The following SGCG variants were observed in gnomAD, a reference collection of about 807,000 sequenced individuals.
SGCG encodes the protein sarcoglycan gamma.
A neutral mutation model predicts 29.3 loss-of-function variants in SGCG; 26 were observed. The observed-to-expected ratio is 0.89, with a 90% CI of 0.65 to 1.23. The LOEUF (loss-of-function observed/expected upper bound fraction) is 1.23. Among genes scored for constraint, SGCG ranks in the 50% most tolerant of loss-of-function variants. The probability of loss-of-function intolerance (pLI) is 0.00; values close to 1 mark genes in which losing one functional copy is unlikely to be tolerated. For synonymous variants in SGCG, 145 were observed against 129.7 expected (o/e 1.12, Z -0.80); for missense variants, 353 against 356.0 (o/e 0.99, Z 0.07).
intron 3 of SGCG, among the ~76,000 whole-genome samples, chr13:23,239,686 A>G (rs1321726559): frequency 6.6e-6 from 1 of 152,208 alleles, no homozygotes; most frequent in African/African-American, 2.4e-5. Flanking sequence ...CTAATGAAAC[A>G]AAGACCGTAA....
At chr13:23,193,600 G>A (rs1877368988) in intron 1 of SGCG, among the ~76,000 whole-genome samples, 2 of 152,294 alleles carry the variant, frequency 1.3e-5, no homozygotes, top group South Asian at 4.1e-4. Context: ...ACTGAGATGG[G>A]AATAGAGAAG....
intron 6 of SGCG, among the ~76,000 whole-genome samples, chr13:23,309,636 T>A (rs939599264): frequency 1.3e-5 from 2 of 152,224 alleles, no homozygotes; most frequent in African/African-American, 4.8e-5. Context: ...ATGTCTGCTA[T>A]AGGTTTTTGG....
intron 4 of SGCG, among the ~76,000 whole-genome samples, chr13:23,272,423 T>A (rs1880907245): frequency 6.6e-6 from 1 of 152,214 alleles, no homozygotes. Flanking sequence ...TGATTTATTT[T>A]TATTAGATTA....
At chr13:23,276,046 CA>C in intron 4 of SGCG, among the ~76,000 whole-genome samples, 1 of 152,080 alleles carries the variant, frequency 6.6e-6, no homozygotes, top group African/African-American at 2.4e-5. Flanking sequence ...CTCTTTGTAC[CA>C]AAGCCTTTCA....
Position 23,320,617 on chromosome 13 carries a change from G to GTTTTT in SGCG, c.579-20_579-19insTTTTT. ...TAATACTTTTTTTTTTTTTTTTTGT[G>GTTTTT]CTTCTTTTCCTCATCTCAGATTAGA... is the stretch of plus-strand genomic sequence containing the variant. On this transcript the variant is annotated intron_variant, in intron 6 of 7. Transcript: ENST00000218867. The GTTTTT allele has an allele frequency of 1.0e-4, 95 of 912,270 alleles. No homozygotes were observed. The highest frequency in any genetic ancestry group is 5.8e-4 in the South Asian group (28 of 48,662). The allele number at this position is 912,270 out of a possible 1,614,324, so 56.5% of individuals were successfully genotyped here.
chr13:23,201,715 C>CTA (rs1251731185), intron 1 of SGCG, among the ~76,000 whole-genome samples: 2 of 152,248 alleles, frequency 1.3e-5, no homozygotes, highest in East Asian at 3.9e-4. Flanking sequence ...CAATAGGAAA[C>CTA]TATATATATA....
intron 4 of SGCG, chr13:23,269,104 A>G (rs1880758340): frequency 2.0e-5 from 3 of 152,208 alleles, no homozygotes; most frequent in Non-Finnish European, 4.4e-5. Context: ...GAAAAAAAGC[A>G]ACTGGCACCA....
At position 23,279,415 on chromosome 13, in the gene SGCG, A is replaced by C; in HGVS notation, c.442A>C (p.Lys148Gln). The C allele has an allele frequency of 6.2e-7, 1 of 1,613,496 alleles. No homozygotes were observed. Among genetic ancestry groups the C allele is most frequent in the Non-Finnish European group, 8.5e-7 (1 of 1,179,496 alleles). Residue 148 changes from lysine (K) to glutamine (Q), a missense_variant, in exon 5 of 8, where the codon AAG (lysine) becomes CAG (glutamine). Coordinates refer to ENST00000218867, the MANE Select transcript of SGCG (RefSeq NM_000231.3). ...QQFQINSNDG[K>Q]PLFTVDEKEV... Reference sequence around the variant, plus strand: ...GTTTCAGATCAACTCCAACGACGGCAAGCCACTATTTACTGTAGATGAGAA... The same window carrying C: ...GTTTCAGATCAACTCCAACGACGGCCAGCCACTATTTACTGTAGATGAGAA...
At chr13:23,212,401 T>C (rs1384818077) in intron 2 of SGCG, among the ~76,000 whole-genome samples, 1 of 83,586 alleles carries the variant, frequency 1.2e-5, no homozygotes, top group Non-Finnish European at 2.7e-5. Flanking sequence ...AATTTTCTGG[T>C]TGTTAAATGT....
intron 3 of SGCG, among the ~76,000 whole-genome samples, chr13:23,241,075 G>A (rs1879487842): frequency 6.6e-6 from 1 of 150,706 alleles, no homozygotes; most frequent in African/African-American, 2.4e-5. Flanking sequence ...CATGAACCCA[G>A]GAGTCAGAAC....
At chr13:23,276,412 C>T (rs986991285) in intron 4 of SGCG, among the ~76,000 whole-genome samples, 2 of 135,432 alleles carry the variant, frequency 1.5e-5, no homozygotes, top group Admixed American at 7.4e-5. Context: ...GAAGCATGAA[C>T]GCTTTCTTTT....
At chr13:23,207,664 G>A (rs190205636) in intron 2 of SGCG, among the ~76,000 whole-genome samples, 226 of 152,216 alleles carry the variant, frequency 1.5e-3, no homozygotes, top group Non-Finnish European at 1.3e-3. Flanking sequence ...CATCAGAACA[G>A]ACATTTCTCC....
At chr13:23,201,018 T>C (rs1277108441) in intron 1 of SGCG, among the ~76,000 whole-genome samples, 4 of 151,952 alleles carry the variant, frequency 2.6e-5, no homozygotes, top group Admixed American at 2.6e-4. Flanking sequence ...GTTGCAGAGG[T>C]GGGGCATGAG....
At chr13:23,185,024 A>C (rs983430786) in intron 1 of SGCG, among the ~76,000 whole-genome samples, 1 of 152,244 alleles carries the variant, frequency 6.6e-6, no homozygotes, top group African/African-American at 2.4e-5. Flanking sequence ...ATGAGATTGT[A>C]GGCAGATGTC....
At chr13:23,313,474 T>C (rs1882681993) in intron 6 of SGCG, among the ~76,000 whole-genome samples, 1 of 152,202 alleles carries the variant, frequency 6.6e-6, no homozygotes, top group African/African-American at 2.4e-5. Flanking sequence ...CTTCTCTTTT[T>C]TTAAAAATGA....
intron 6 of SGCG, among the ~76,000 whole-genome samples, chr13:23,306,034 T>C (rs1171768616): frequency 1.3e-5 from 2 of 152,062 alleles, no homozygotes; most frequent in African/African-American, 2.4e-5. Flanking sequence ...CAATTATTAT[T>C]ATTATTATTA....
At chr13:23,287,716 T>C (rs1430777802) in intron 5 of SGCG, among the ~76,000 whole-genome samples, 2 of 151,428 alleles carry the variant, frequency 1.3e-5, no homozygotes, top group East Asian at 3.9e-4. Flanking sequence ...TTCACAGTTT[T>C]TTGTTACCAT....
intron 2 of SGCG, among the ~76,000 whole-genome samples, chr13:23,232,119 GAAA>G (rs11333704): frequency 7.6e-6 from 1 of 131,356 alleles, no homozygotes; most frequent in Non-Finnish European, 1.6e-5. Context: ...ATTCCATAAA[GAAA>G]AAAAAAAAAA....
chr13:23,228,397 G>A (rs1878981333), intron 2 of SGCG, among the ~76,000 whole-genome samples: 1 of 152,058 alleles, frequency 6.6e-6, no homozygotes, highest in African/African-American at 2.4e-5. Context: ...AATCTTGCAA[G>A]TGAAAGGAAA....
Sources: allele counts gnomAD v4.1 joint callset (sites outside exome capture counted in the v4.1 genomes callset), GRCh38; gene constraint gnomAD v4.1.1; transcripts MANE v1.5; gene names NCBI Gene and HGNC (gene_info 2026-07-23, HGNC 2026-07-21).